The following RALGAPA2 variants were observed in gnomAD, a reference collection of about 807,000 sequenced individuals.
The protein encoded by RALGAPA2 is ral GTPase-activating protein subunit alpha-2.
Under a neutral mutation model 230.4 loss-of-function variants are expected in RALGAPA2, and 139 were observed. The observed-to-expected ratio is 0.60, with a 90% CI of 0.53 to 0.69. The LOEUF (loss-of-function observed/expected upper bound fraction) is 0.69. RALGAPA2 is among the 30% of genes least tolerant of loss of function. The pLI, the probability that RALGAPA2 is intolerant of heterozygous loss-of-function variation, is 0.00. For missense variants in RALGAPA2, 2,163 were observed against 2,276.0 expected (o/e 0.95, Z 1.01); for synonymous variants, 847 against 837.8 (o/e 1.01, Z -0.19).
intron 37 of RALGAPA2, among the ~76,000 whole-genome samples, chr20:20,445,461 C>T (rs972130675): frequency 6.6e-6 from 1 of 152,146 alleles, no homozygotes; most frequent in East Asian, 1.9e-4. Context: ...GGGGAGATCC[C>T]CCACGGAATC....
intron 13 of RALGAPA2, among the ~76,000 whole-genome samples, chr20:20,614,589 A>G (rs1427830326): frequency 1.3e-5 from 2 of 152,204 alleles, no homozygotes; most frequent in Admixed American, 6.5e-5. Flanking sequence ...AATAGTGCTA[A>G]GTTTAGAAGT....
chr20:20,706,384 T>C (rs978965946), intron 1 of RALGAPA2, among the ~76,000 whole-genome samples: 1 of 152,214 alleles, frequency 6.6e-6, no homozygotes, highest in Admixed American at 6.5e-5. Flanking sequence ...AATCACTTTG[T>C]ACCAAATAAG....
At chr20:20,633,263 T>C (rs187731288) in intron 9 of RALGAPA2, among the ~76,000 whole-genome samples, 91 of 151,912 alleles carry the variant, frequency 6.0e-4, no homozygotes, top group Non-Finnish European at 5.9e-5. Context: ...GCTTCCCGAG[T>C]AGCTGGGATT....
intron 13 of RALGAPA2, among the ~76,000 whole-genome samples, chr20:20,614,784 C>T (rs2146307562): frequency 6.6e-6 from 1 of 152,320 alleles, no homozygotes; most frequent in South Asian, 2.1e-4. Context: ...CCATGGTTTC[C>T]TACCAACTGC....
At chr20:20,417,052 G>C (rs1191124106) in intron 37 of RALGAPA2, among the ~76,000 whole-genome samples, 1 of 152,214 alleles carries the variant, frequency 6.6e-6, no homozygotes, top group African/African-American at 2.4e-5. Flanking sequence ...TCCCATGGCA[G>C]TGATCTGCAG....
At chr20:20,557,635 T>C (rs1404569866) in intron 23 of RALGAPA2, among the ~76,000 whole-genome samples, 2 of 152,206 alleles carry the variant, frequency 1.3e-5, no homozygotes. Flanking sequence ...AATATTCTCA[T>C]TCTAATGTTG....
intron 31 of RALGAPA2, among the ~76,000 whole-genome samples, chr20:20,516,642 CT>C (rs1364664413): frequency 6.6e-6 from 1 of 152,230 alleles, no homozygotes; most frequent in Non-Finnish European, 1.5e-5. Context: ...CATCACTCCC[CT>C]GCCACCTCCA....
intron 25 of RALGAPA2, among the ~76,000 whole-genome samples, 187 bp from the exon 26 acceptor site, chr20:20,535,990 G>A (rs745810167): frequency 1.3e-5 from 2 of 152,190 alleles, no homozygotes; most frequent in Non-Finnish European, 2.9e-5. Flanking sequence ...TAGAAGATGG[G>A]GGTCTCCACA....
At chr20:20,395,473 G>A (rs979489505) in intron 39 of RALGAPA2, among the ~76,000 whole-genome samples, 5 of 152,226 alleles carry the variant, frequency 3.3e-5, no homozygotes, top group Admixed American at 6.5e-5. Context: ...CCACTTTGGC[G>A]GCAGGAGCAG....
At position 20,629,442 on chromosome 20, in the gene RALGAPA2, C is replaced by G; in HGVS notation, c.1154G>C (p.Arg385Pro). The G allele has an allele frequency of 6.2e-7, 1 of 1,613,874 alleles. No homozygotes were observed. Among genetic ancestry groups the G allele is most frequent in the Non-Finnish European group, 8.5e-7 (1 of 1,179,892 alleles). ...SSLCSIEEEHRMVYEMVQRIL... is the reference protein window; with the variant it reads ...SSLCSIEEEHPMVYEMVQRIL... Reference sequence around the variant, plus strand: ...CCGCTGTACCATTTCATACACCATTCGGTGCTCTTCTTCAATGCTACAGAG... The same window carrying G: ...CCGCTGTACCATTTCATACACCATTGGGTGCTCTTCTTCAATGCTACAGAG... The change falls in exon 10 of 40, where the codon CGA (arginine) becomes CCA (proline). Residue 385 changes from arginine (R) to proline (P), a missense_variant. Transcript: ENST00000202677.
chr20:20,416,844 T>G (rs1312500540), intron 37 of RALGAPA2, among the ~76,000 whole-genome samples: 2 of 152,222 alleles, frequency 1.3e-5, no homozygotes, highest in African/African-American at 4.8e-5. Flanking sequence ...CCTTCTTGCC[T>G]GAACCTTCTC....
At chr20:20,510,865 T>C (rs914381118) in intron 33 of RALGAPA2, among the ~76,000 whole-genome samples, 14 of 152,358 alleles carry the variant, frequency 9.2e-5, no homozygotes, top group Non-Finnish European at 1.3e-4. Context: ...ATACACAACA[T>C]GGATTCTGAA....
chr20:20,535,345 A>G (rs1347474964), intron 26 of RALGAPA2, among the ~76,000 whole-genome samples: 2 of 152,210 alleles, frequency 1.3e-5, no homozygotes, highest in African/African-American at 4.8e-5. Flanking sequence ...AGCAGCCAGA[A>G]TATTTCCAGA....
At position 20,583,157 on chromosome 20, in the gene RALGAPA2, TGCCATGG is replaced by T. The variant is rs1170140331; in HGVS notation, c.2593_2599del (p.Pro865ArgfsTer9). On this transcript the variant is annotated frameshift_variant, in exon 20 of 40. Coordinates refer to ENST00000202677, the MANE Select transcript of RALGAPA2 (RefSeq NM_020343.4). LOFTEE classifies it high-confidence loss of function. ...CAGTTCTGGGTCTTCCTCACAGGTC[TGCCATGG>T]GCCCATGGACAGCTCTGCCTCATTG... is the stretch of plus-strand genomic sequence containing the variant. The T allele has an allele frequency of 6.2e-7, 1 of 1,613,750 alleles. No individual in the cohort carries two copies. Among genetic ancestry groups the T allele is most frequent in the Admixed American group, 1.7e-5 (1 of 59,978 alleles).
intron 37 of RALGAPA2, among the ~76,000 whole-genome samples, chr20:20,461,967 T>TTGG (rs11473157): frequency 0.076 from 11,634 of 152,186 alleles, 721 homozygotes; most frequent in African/African-American, 0.17. Flanking sequence ...TTCATTGGTG[T>TTGG]TGGATTAAGG....
chr20:20,447,724 C>T (rs2060896102), intron 37 of RALGAPA2, among the ~76,000 whole-genome samples: 1 of 151,670 alleles, frequency 6.6e-6, no homozygotes, highest in Non-Finnish European at 1.5e-5. Context: ...ACTCATCTCA[C>T]AATGTCTCTC....
At chr20:20,448,506 G>A (rs1381001196) in intron 37 of RALGAPA2, among the ~76,000 whole-genome samples, 1 of 152,030 alleles carries the variant, frequency 6.6e-6, no homozygotes, top group Admixed American at 6.5e-5. Flanking sequence ...CAGAATTTTA[G>A]AACACACTAA....
intron 38 of RALGAPA2, among the ~76,000 whole-genome samples, chr20:20,405,933 A>G (rs1266338111): frequency 1.3e-5 from 2 of 152,160 alleles, no homozygotes; most frequent in African/African-American, 4.8e-5. Flanking sequence ...CCTCCTTTCT[A>G]TTCACTCCTG....
At chr20:20,416,764 T>C (rs906380597) in intron 37 of RALGAPA2, among the ~76,000 whole-genome samples, 3 of 152,234 alleles carry the variant, frequency 2.0e-5, no homozygotes, top group Non-Finnish European at 4.4e-5. Flanking sequence ...AAGCTTCTTT[T>C]ATCAAAGAAA....
Sources: allele counts gnomAD v4.1 joint callset (sites outside exome capture counted in the v4.1 genomes callset), GRCh38; gene constraint gnomAD v4.1.1; transcripts MANE v1.5; gene names NCBI Gene and HGNC (gene_info 2026-07-23, HGNC 2026-07-21).